The following ENOX1 variants were observed in gnomAD, a reference collection of about 807,000 sequenced individuals.
ENOX1 encodes candidate growth-related and time keeping constitutive hydroquinone (NADH) oxidase.
ENOX1 carries 42 observed loss-of-function variants against 82.5 expected under a neutral mutation model. That is an observed-to-expected ratio of 0.51 (90% confidence interval 0.40 to 0.66). ENOX1 has a LOEUF of 0.66. Among genes scored for constraint, ENOX1 ranks in the 30% least tolerant of loss-of-function variants. The pLI is 0.00. For missense variants in ENOX1, 608 were observed against 811.6 expected (o/e 0.75, Z 3.05); for synonymous variants, 271 against 282.2 (o/e 0.96, Z 0.40).
At chr13:43,265,482 AAAC>A in intron 13 of ENOX1, 28 bp from the exon 14 acceptor site, 3 of 1,599,930 alleles carry the variant, frequency 1.9e-6, no homozygotes, top group Non-Finnish European at 2.6e-6. Flanking sequence ...AAACAACACA[AAAC>A]AAAAAAATGA....
At chr13:43,615,379 G>C (rs908707731) in intron 2 of ENOX1, among the ~76,000 whole-genome samples, 1 of 152,032 alleles carries the variant, frequency 6.6e-6, no homozygotes, top group Non-Finnish European at 1.5e-5. Flanking sequence ...TATGTGTGTC[G>C]CATACATTTC....
chr13:43,359,857 G>T lies in ENOX1; in HGVS notation c.583C>A (p.Leu195Ile). Reference sequence around the variant, plus strand: ...CTTATGTAATGCAAAGTACCAGAAAGGTAAATGGCTTTATCAACCATGAAT... The same window carrying T: ...CTTATGTAATGCAAAGTACCAGAAATGTAAATGGCTTTATCAACCATGAAT... ...EEFMVDKAIY[L>I]SGYRMRLGSS... Residue 195 changes from leucine (L) to isoleucine (I), a missense_variant, in exon 7 of 17, where the codon CTT becomes ATT. Leu to Ile is a conservative substitution (Grantham distance 5). Transcript: ENST00000690772. The T allele has an allele frequency of 6.2e-7, 1 of 1,613,978 alleles. No individual in the cohort carries two copies. The highest frequency in any genetic ancestry group is 8.5e-7 in the Non-Finnish European group (1 of 1,179,904).
At chr13:43,350,355 G>C (rs993072999) in intron 8 of ENOX1, among the ~76,000 whole-genome samples, 5 of 152,198 alleles carry the variant, frequency 3.3e-5, no homozygotes, top group African/African-American at 9.7e-5. Flanking sequence ...TGAAAGTCCA[G>C]GGCATGGCAC....
At chr13:43,363,955 A>G (rs2050685723) in intron 5 of ENOX1, among the ~76,000 whole-genome samples, 1 of 152,218 alleles carries the variant, frequency 6.6e-6, no homozygotes, top group Non-Finnish European at 1.5e-5. Flanking sequence ...TGAAATCTGC[A>G]TGGCAAGTGC....
chr13:43,241,518 T>C (rs2042831144), intron 14 of ENOX1, among the ~76,000 whole-genome samples: 1 of 152,176 alleles, frequency 6.6e-6, no homozygotes. Context: ...CAGTGAGATC[T>C]ATTGGATTAT....
intron 7 of ENOX1, 40 bp from the exon 8 acceptor site, chr13:43,356,192 A>G: frequency 6.3e-7 from 1 of 1,592,600 alleles, no homozygotes. Flanking sequence ...ATAATGTAAC[A>G]ATGGCCACAG....
chr13:43,230,635 CA>C (rs1464658527), intron 15 of ENOX1, among the ~76,000 whole-genome samples: 2 of 152,100 alleles, frequency 1.3e-5, no homozygotes, highest in African/African-American at 4.8e-5. Context: ...ACACTTACCA[CA>C]GTGGTTTGGA....
At chr13:43,267,945 G>A (rs758397508) in intron 13 of ENOX1, among the ~76,000 whole-genome samples, 2 of 151,926 alleles carry the variant, frequency 1.3e-5, no homozygotes, top group Non-Finnish European at 2.9e-5. Context: ...TCTTCTTCAC[G>A]TTCTCTTTTT....
At chr13:43,424,777 C>A (rs2055189625) in intron 3 of ENOX1, among the ~76,000 whole-genome samples, 1 of 152,264 alleles carries the variant, frequency 6.6e-6, no homozygotes, top group African/African-American at 2.4e-5. Context: ...GCCTTGGGTC[C>A]CCTGTGATGG....
chr13:43,541,100 T>A (rs989121659), intron 2 of ENOX1, among the ~76,000 whole-genome samples: 1 of 150,116 alleles, frequency 6.7e-6, no homozygotes, highest in African/African-American at 2.4e-5. Flanking sequence ...TGTTCTTTAA[T>A]ATTTACAAAT....
intron 2 of ENOX1, among the ~76,000 whole-genome samples, chr13:43,571,198 C>T (rs541258647): frequency 1.3e-5 from 2 of 152,218 alleles, no homozygotes; most frequent in South Asian, 4.1e-4. Flanking sequence ...TAACTGGGGG[C>T]TCAGTTTACA....
chr13:43,309,210 C>G (rs2153516764), intron 11 of ENOX1, among the ~76,000 whole-genome samples: 1 of 152,060 alleles, frequency 6.6e-6, no homozygotes, highest in South Asian at 2.1e-4. Context: ...TTAGTAGAGA[C>G]AGGGTTTCAC....
At chr13:43,475,794 C>CAA (rs10624980) in intron 3 of ENOX1, among the ~76,000 whole-genome samples, 15,545 of 71,636 alleles carry the variant, frequency 0.22, 1,525 homozygotes, top group East Asian at 0.59. Context: ...CATAACTGAC[C>CAA]AAAAAAAAAA....
chr13:43,508,155 G>C (rs1311645053), intron 2 of ENOX1, among the ~76,000 whole-genome samples: 2 of 152,018 alleles, frequency 1.3e-5, no homozygotes, highest in African/African-American at 4.8e-5. Context: ...GTGGATGGAA[G>C]CTTTGGGGAA....
intron 2 of ENOX1, among the ~76,000 whole-genome samples, chr13:43,613,853 C>T (rs972295050): frequency 2.0e-5 from 3 of 152,076 alleles, no homozygotes; most frequent in Non-Finnish European, 4.4e-5. Flanking sequence ...ATCGCTTGAG[C>T]CCCGGAGGCG....
chr13:43,524,019 C>T (rs2077885208), intron 2 of ENOX1, among the ~76,000 whole-genome samples: 1 of 152,080 alleles, frequency 6.6e-6, no homozygotes, highest in Admixed American at 6.6e-5. Flanking sequence ...CCTTTCTTTC[C>T]TCACCGGACC....
intron 5 of ENOX1, among the ~76,000 whole-genome samples, chr13:43,387,809 T>C (rs1292901812): frequency 6.6e-6 from 1 of 152,036 alleles, no homozygotes; most frequent in Non-Finnish European, 1.5e-5. Flanking sequence ...CATTTATAGA[T>C]ACATATGCAA....
chr13:43,390,970 G>T (rs930027000), intron 5 of ENOX1, among the ~76,000 whole-genome samples: 1 of 152,026 alleles, frequency 6.6e-6, no homozygotes, highest in African/African-American at 2.4e-5. Flanking sequence ...TTTTCTTTGT[G>T]CAGCCCTTTT....
chr13:43,385,006 G>A (rs190894000), intron 5 of ENOX1, among the ~76,000 whole-genome samples: 2 of 152,162 alleles, frequency 1.3e-5, no homozygotes, highest in Admixed American at 6.5e-5. Flanking sequence ...GGAAAAAAAA[G>A]TGTGTGGTAT....
Sources: gnomAD v4.1 joint callset for allele counts (sites outside exome capture counted in the v4.1 genomes callset) on GRCh38, gnomAD v4.1.1 for gene constraint, MANE v1.5 for transcripts, NCBI Gene and HGNC (gene_info 2026-07-23, HGNC 2026-07-21) for gene names.